The following PTAFR variants were observed in gnomAD, a reference collection of about 807,000 sequenced individuals.
PTAFR encodes platelet activating factor receptor.
A neutral mutation model predicts 14.7 loss-of-function variants in PTAFR; 8 were observed. The observed-to-expected ratio is 0.54, with a 90% CI of 0.32 to 0.98. PTAFR has a LOEUF of 0.98. Ranked by LOEUF, PTAFR falls within the 50% of genes least tolerant of loss-of-function variation. The pLI is 0.04. For synonymous variants in PTAFR, 156 were observed against 176.5 expected (o/e 0.88, Z 0.92); for missense variants, 337 against 451.2 (o/e 0.75, Z 2.29).
In PTAFR at chr1:28,149,864, T is replaced by C. The variant is rs1646158043; in HGVS notation, c.*129A>G. The C allele has an allele frequency of 2.4e-6, 3 of 1,259,430 alleles. No homozygotes were observed. The highest frequency in any genetic ancestry group is 1.5e-5 in the African/African-American group (1 of 66,506). 78.0% of individuals were successfully genotyped at this position (1,259,430 alleles called of 1,614,324 possible). A position where few individuals can be genotyped will look rare whatever the true frequency, so the allele number is the denominator to read the frequency against. Reference sequence around the variant, plus strand: ...TGCCATCATCCCTGCCCAGGTGAGGTAGCCTCCAAATCTAATGGCCCACCA... The same window carrying C: ...TGCCATCATCCCTGCCCAGGTGAGGCAGCCTCCAAATCTAATGGCCCACCA... On this transcript the variant is annotated 3_prime_UTR_variant, in exon 2 of 2. Coordinates refer to ENST00000373857, the MANE Select transcript of PTAFR (RefSeq NM_000952.5).
upstream of PTAFR, chr1:28,176,979 A>T (rs1646522379): frequency 6.5e-6 from 1 of 152,740 alleles, no homozygotes; most frequent in Non-Finnish European, 1.5e-5. Flanking sequence ...ATGAGGGACC[A>T]GGAAAATCAA....
chr1:28,169,318 G>T (rs1646427159), intron 1 of PTAFR, among the ~76,000 whole-genome samples: 1 of 152,074 alleles, frequency 6.6e-6, no homozygotes, highest in Non-Finnish European at 1.5e-5. Flanking sequence ...AAAATCAATG[G>T]GCCTAAGAGA....
At chr1:28,155,083 C>A (rs1257381938) in intron 1 of PTAFR, among the ~76,000 whole-genome samples, 1 of 152,188 alleles carries the variant, frequency 6.6e-6, no homozygotes, top group Non-Finnish European at 1.5e-5. Context: ...GCATCAGGCT[C>A]TAGCCAGAAC....
At chr1:28,186,782 C>T (rs945666805) in intron 1 of PTAFR, among the ~76,000 whole-genome samples, 4 of 151,902 alleles carry the variant, frequency 2.6e-5, no homozygotes, top group Admixed American at 6.6e-5. Flanking sequence ...AAAATTAACC[C>T]GGGGTGGTGG....
chr1:28,173,444 AAAAC>A (rs910189490), intron 1 of PTAFR, among the ~76,000 whole-genome samples: 100 of 152,178 alleles, frequency 6.6e-4, no homozygotes, highest in African/African-American at 1.8e-3. Context: ...ACCTCTACAA[AAAAC>A]AAACAAACAA....
intron 1 of PTAFR, among the ~76,000 whole-genome samples, chr1:28,183,305 CATTTGTTTCATGA>C (rs1475937315): frequency 2.6e-5 from 4 of 152,244 alleles, no homozygotes; most frequent in African/African-American, 9.6e-5. Context: ...GATGCTTATA[CATTTGTTTCATGA>C]AATTTGAGTG....
chr1:28,189,385 G>A (rs917368739), intron 1 of PTAFR, among the ~76,000 whole-genome samples: 5 of 151,812 alleles, frequency 3.3e-5, no homozygotes, highest in Admixed American at 6.6e-5. Flanking sequence ...AGACGGAGGC[G>A]GGCAGATCAC....
Position 28,191,078 on chromosome 1 carries a change from G to C in PTAFR, c.-39+2644C>G, listed in dbSNP as rs548998083. ...CCTCCCTTGCTCAGGGCTGAGTCCT[G>C]CTGGCCCTCCCTCTTCAGCTCGGGA... On this transcript the variant is annotated intron_variant, in intron 1 of 1. Transcript: ENST00000305392. 1.1e-4 allele frequency among the ~76,000 whole-genome samples: 17 copies of C among 152,268 alleles called. No individual in the cohort carries two copies. In the East Asian group the frequency reaches 3.3e-3, roughly 29 times the overall value.
At chr1:28,166,259 A>G (rs1339243123) in intron 1 of PTAFR, among the ~76,000 whole-genome samples, 1 of 152,220 alleles carries the variant, frequency 6.6e-6, no homozygotes, top group Non-Finnish European at 1.5e-5. Flanking sequence ...ATCCACATGC[A>G]GAAGAATGAA....
intron 1 of PTAFR, among the ~76,000 whole-genome samples, chr1:28,189,104 A>T (rs1646630327): frequency 6.6e-6 from 1 of 152,286 alleles, no homozygotes; most frequent in South Asian, 2.1e-4. Flanking sequence ...AGTTAATTTC[A>T]TAATCAATGC....
At chr1:28,151,575 G>A (rs939029747) in intron 1 of PTAFR, among the ~76,000 whole-genome samples, 3 of 152,018 alleles carry the variant, frequency 2.0e-5, no homozygotes, top group Non-Finnish European at 2.9e-5. Flanking sequence ...AAAGGGCTCC[G>A]GGTTGCCCAG....
Position 28,151,050 on chromosome 1 carries a change from C to T in PTAFR, c.-29G>A, listed in dbSNP as rs1235234585. On this transcript the variant is annotated 5_prime_UTR_variant, in exon 2 of 2. Transcript: ENST00000373857. ...TGTGGGCTGGAATGATCAGCTGGTC[C>T]TGGTGGTGCCTGGAAGACCACACAA... 5 of 1,521,150 alleles carry T rather than the reference C, an allele frequency of 3.3e-6. No homozygotes were observed. The highest frequency in any genetic ancestry group is 4.4e-6 in the Non-Finnish European group (5 of 1,129,402). 94.2% of individuals were successfully genotyped at this position (1,521,150 alleles called of 1,614,324 possible).
At chr1:28,170,893 G>A (rs536212605) in intron 1 of PTAFR, among the ~76,000 whole-genome samples, 2 of 150,616 alleles carry the variant, frequency 1.3e-5, no homozygotes, top group African/African-American at 4.9e-5. Context: ...CCAGCTATTC[G>A]GGAGGCTGAG....
intron 1 of PTAFR, among the ~76,000 whole-genome samples, chr1:28,152,701 C>T (rs567800023): frequency 1.2e-3 from 188 of 152,286 alleles, no homozygotes; most frequent in Middle Eastern, 3.4e-3. Flanking sequence ...TGAGATCAAG[C>T]CACTGCACCC....
chr1:28,167,172 A>G (rs1327980584), intron 1 of PTAFR, among the ~76,000 whole-genome samples: 5 of 152,178 alleles, frequency 3.3e-5, no homozygotes, highest in Non-Finnish European at 5.9e-5. Context: ...TGGAAAGGCA[A>G]CCTGTGGATG....
Position 28,190,645 on chromosome 1 carries a change from A to G in PTAFR, c.-39+3077T>C, listed in dbSNP as rs142602264. ...GTATAGACAATATCAAGGATAGACA[A>G]TAGTGCAAAATAACAGAATAGAGAA... On this transcript the variant is annotated intron_variant, in intron 1 of 1. Transcript: ENST00000305392. Among the ~76,000 whole-genome samples, 608 of 152,274 alleles carry G rather than the reference A, an allele frequency of 4.0e-3. 6 individuals are homozygous for G. Among genetic ancestry groups the G allele is most frequent in the African/African-American group, 0.014 (594 of 41,554 alleles).
Position 28,176,598 on chromosome 1 carries a change from C to G in PTAFR, c.-45G>C. The G allele has an allele frequency of 6.5e-6, 1 of 152,850 alleles. No individual in the cohort carries two copies. Among genetic ancestry groups the G allele is most frequent in the Non-Finnish European group, 1.5e-5 (1 of 68,108 alleles). 9.5% of individuals were successfully genotyped at this position (152,850 alleles called of 1,614,324 possible). On this transcript the variant is annotated 5_prime_UTR_variant, in exon 1 of 2. Coordinates refer to ENST00000373857, the MANE Select transcript of PTAFR (RefSeq NM_000952.5). The stretch of plus-strand genomic sequence containing the variant: ...GGCCAGGATTCCCCCTTACCTGTAG[C>G]AGGGGCAGCGGCTTCAGCTGCAGTG...
intron 1 of PTAFR, among the ~76,000 whole-genome samples, chr1:28,153,609 G>C (rs566842049): frequency 1.3e-5 from 2 of 150,212 alleles, no homozygotes; most frequent in East Asian, 3.9e-4. Flanking sequence ...AAAAATACAG[G>C]CTAGGCGCGG....
chr1:28,152,427 C>T (rs1469771355), intron 1 of PTAFR, among the ~76,000 whole-genome samples: 2 of 151,962 alleles, frequency 1.3e-5, no homozygotes, highest in African/African-American at 4.8e-5. Flanking sequence ...CATGGTGCAA[C>T]CCCTGTCTGT....
Sources: allele counts gnomAD v4.1 joint callset (sites outside exome capture counted in the v4.1 genomes callset), GRCh38; gene constraint gnomAD v4.1.1; transcripts MANE v1.5; gene names NCBI Gene and HGNC (gene_info 2026-07-23, HGNC 2026-07-21).